The following GAK variants were observed in gnomAD, a reference collection of about 807,000 sequenced individuals.
The protein encoded by GAK is cyclin G associated kinase.
GAK carries 79 observed loss-of-function variants against 143.9 expected under a neutral mutation model. That is an observed-to-expected ratio of 0.55 (90% CI 0.46 to 0.66). The LOEUF (loss-of-function observed/expected upper bound fraction) is 0.66. GAK is among the 30% of genes least tolerant of loss of function. GAK has a pLI of 0.00. For synonymous variants in GAK, 881 were observed against 765.5 expected, an observed-to-expected ratio of 1.15 and a Z score of -2.49; for missense variants, 1,693 against 1,779.7, an observed-to-expected ratio of 0.95 and a Z score of 0.88.
chr4:866,823 T>C, intron 21 of GAK, 133 bp downstream of exon 21: 1 of 736,870 alleles, frequency 1.4e-6, no homozygotes, highest in African/African-American at 1.8e-5. Context: ...CCGAGGCTGC[T>C]CCTGGGGGAG....
At chr4:900,215 G>A (rs1719603971) in intron 5 of GAK, among the ~76,000 whole-genome samples, 1 of 152,238 alleles carries the variant, frequency 6.6e-6, no homozygotes, top group Non-Finnish European at 1.5e-5. Context: ...GGCCACCTGT[G>A]CCCGTTCCCA....
At chr4:898,475 C>A (rs1380767023) in intron 5 of GAK, among the ~76,000 whole-genome samples, 1 of 152,262 alleles carries the variant, frequency 6.6e-6, no homozygotes, top group Non-Finnish European at 1.5e-5. Flanking sequence ...TCTTAAATTA[C>A]TTCTGATCAA....
chr4:915,071 C>T (rs1274020005), intron 1 of GAK, among the ~76,000 whole-genome samples: 35 of 131,516 alleles, frequency 2.7e-4, no homozygotes, highest in Admixed American at 6.9e-4. Flanking sequence ...ACAGTCCCAG[C>T]GTGCACGGCC....
chr4:862,711 C>T (rs7669133), intron 23 of GAK, among the ~76,000 whole-genome samples: 1 of 151,496 alleles, frequency 6.6e-6, no homozygotes, highest in African/African-American at 2.4e-5. Context: ...AGAAATGGCA[C>T]AGCAAAGCCT....
chr4:867,529 C>T, intron 20 of GAK, 97 bp from the exon 21 acceptor site: 1 of 571,996 alleles, frequency 1.7e-6, no homozygotes, highest in Non-Finnish European at 3.0e-6. Context: ...GGCCCAGGGC[C>T]TTGGTGAACA....
In GAK at chr4:879,624, C is replaced by T. The variant is rs143320573; in HGVS notation, c.1662-1815G>A. ...GTGCTCGGTTTGCAGGAGTTCTGAC[C>T]GGTATGCACCCGAGTGGGTTTTCAT... On this transcript the variant is annotated intron_variant, in intron 15 of 27. Coordinates refer to ENST00000314167, the MANE Select transcript of GAK (RefSeq NM_005255.4). 8.6e-4 allele frequency among the ~76,000 whole-genome samples: 131 copies of T among 152,266 alleles called. 1 individual carries two copies. The highest frequency in any genetic ancestry group is 3.0e-3 in the African/African-American group (126 of 41,554).
chr4:902,648 C>T (rs538373169), intron 5 of GAK, among the ~76,000 whole-genome samples: 46 of 140,270 alleles, frequency 3.3e-4, no homozygotes, highest in Admixed American at 2.5e-3. Context: ...AGCCTCAGCA[C>T]GGAGGACGAG....
At chr4:893,609 GAAGC>G in intron 8 of GAK, 120 bp from the exon 9 acceptor site, 1 of 750,678 alleles carries the variant, frequency 1.3e-6, no homozygotes, top group Non-Finnish European at 2.0e-6. Context: ...AGTGACGTCA[GAAGC>G]AAGAAGGGAG....
intron 5 of GAK, among the ~76,000 whole-genome samples, chr4:900,694 G>T (rs1162378659): frequency 6.6e-6 from 1 of 152,172 alleles, no homozygotes; most frequent in Non-Finnish European, 1.5e-5. Flanking sequence ...GGCCTCAGGC[G>T]CATGGGTTTC....
At chr4:921,259 C>T (rs142795912) in intron 1 of GAK, among the ~76,000 whole-genome samples, 12 of 152,276 alleles carry the variant, frequency 7.9e-5, no homozygotes, top group African/African-American at 2.4e-4. Context: ...TGCGTCACCA[C>T]GCCCGGCTAA....
intron 7 of GAK, 78 bp downstream of exon 7, chr4:896,382 G>A: frequency 9.3e-7 from 1 of 1,074,708 alleles, no homozygotes. Flanking sequence ...CCGAGTGGCA[G>A]GTGCCCGGCC....
At chr4:907,738 G>T (rs1180575462) in intron 4 of GAK, among the ~76,000 whole-genome samples, 4 of 152,168 alleles carry the variant, frequency 2.6e-5, no homozygotes, top group African/African-American at 9.7e-5. Flanking sequence ...AGCTGCACGG[G>T]GGAGCCCACA....
At chr4:889,050 C>A in intron 10 of GAK, 80 bp from the exon 11 acceptor site, 1 of 1,470,862 alleles carries the variant, frequency 6.8e-7, no homozygotes, top group South Asian at 1.3e-5. Flanking sequence ...TGGGCCCAGG[C>A]CCCAGGCGCT....
At chr4:858,609 C>A (rs1311553664) in intron 24 of GAK, among the ~76,000 whole-genome samples, 1 of 152,206 alleles carries the variant, frequency 6.6e-6, no homozygotes, top group Non-Finnish European at 1.5e-5. Context: ...CATAGTAAAT[C>A]CCCAAAACCA....
intron 1 of GAK, among the ~76,000 whole-genome samples, chr4:930,879 T>C (rs754097400): frequency 2.6e-5 from 4 of 152,174 alleles, no homozygotes; most frequent in Non-Finnish European, 4.4e-5. Context: ...ATCAGAATTC[T>C]GGGATAGTCT....
In GAK at chr4:877,543, G is replaced by A. The variant is rs1714202393; in HGVS notation, c.1856+72C>T. On this transcript the variant is annotated intron_variant, in intron 16 of 27. Transcript: ENST00000314167. ...CAAGCGCCTGTCCCCGGCAAGGCCA[G>A]GGTTCCTCTTTAACGGTTTTCCGGA... The A allele has an allele frequency of 5.5e-6, 8 of 1,465,846 alleles. No individual in the cohort carries two copies. The African/African-American group carries it at 5.6e-5, about 10-fold the overall frequency. The allele number at this position is 1,465,846 out of a possible 1,614,324, so 90.8% of individuals were successfully genotyped here. A position where few individuals can be genotyped will look rare whatever the true frequency, so the allele number is the denominator to read the frequency against.
chr4:865,878 G>A (rs1322986715), intron 22 of GAK, among the ~76,000 whole-genome samples: 1 of 152,242 alleles, frequency 6.6e-6, no homozygotes, highest in African/African-American at 2.4e-5. Context: ...CCCCACCGGC[G>A]TCTGTCTAAA....
rs1016268310 is a variant in GAK at position 868,893 on chromosome 4, C to T, written c.2249-208G>A. ...GATGCCACTCTGGGCCATGCGTGCACACTTGGGCACAGCACACGCACACAT... is the reference window on the plus strand; with the variant it reads ...GATGCCACTCTGGGCCATGCGTGCATACTTGGGCACAGCACACGCACACAT... On this transcript the variant is annotated intron_variant, in intron 19 of 27. Coordinates refer to ENST00000314167, the MANE Select transcript of GAK (RefSeq NM_005255.4). 3 of 580,324 alleles carry T rather than the reference C, an allele frequency of 5.2e-6. No homozygotes were observed. The African/African-American group carries it at 5.6e-5, about 11-fold the overall frequency. 35.9% of individuals were successfully genotyped at this position (580,324 alleles called of 1,614,324 possible). A position where few individuals can be genotyped will look rare whatever the true frequency, so the allele number is the denominator to read the frequency against.
chr4:868,261 C>T (rs1010179974), intron 20 of GAK, among the ~76,000 whole-genome samples: 4 of 152,218 alleles, frequency 2.6e-5, no homozygotes, highest in Non-Finnish European at 5.9e-5. Context: ...GCCCATGCTG[C>T]CAGCCTCCCC....
Sources: gnomAD v4.1 joint callset for allele counts (sites outside exome capture counted in the v4.1 genomes callset) on GRCh38, gnomAD v4.1.1 for gene constraint, MANE v1.5 for transcripts, NCBI Gene and HGNC (gene_info 2026-07-23, HGNC 2026-07-21) for gene names.